GALNTL6: variants seen among roughly 807,000 people sequenced by gnomAD.
The protein encoded by GALNTL6 is polypeptide N-acetylgalactosaminyltransferase-like 6.
GALNTL6 carries 46 observed loss-of-function variants against 73.7 expected under a neutral mutation model. The ratio of observed to expected loss-of-function variants is 0.62; its 90% confidence interval spans 0.49 to 0.80. The LOEUF (loss-of-function observed/expected upper bound fraction) is 0.80. Ranked by LOEUF, GALNTL6 falls within the 30% of genes least tolerant of loss-of-function variation. The pLI is 0.00. For missense variants in GALNTL6, 604 were observed against 755.0 expected, an observed-to-expected ratio of 0.80 and a Z score of 2.34; for synonymous variants, 259 against 263.7, an observed-to-expected ratio of 0.98 and a Z score of 0.17.
intron 5 of GALNTL6, among the ~76,000 whole-genome samples, chr4:172,396,316 C>CTT (rs10715891): frequency 7.3e-6 from 1 of 137,548 alleles, no homozygotes; most frequent in African/African-American, 2.7e-5. Context: ...CTTTTTTTTT[C>CTT]TTTTTTTTTT....
intron 5 of GALNTL6, among the ~76,000 whole-genome samples, chr4:172,725,045 A>G (rs892953432): frequency 3.9e-5 from 6 of 151,924 alleles, no homozygotes; most frequent in African/African-American, 1.5e-4. Context: ...TTTTTCAAGT[A>G]TTTTTCCCCT....
At chr4:172,961,442 T>A (rs1750051876) in intron 10 of GALNTL6, among the ~76,000 whole-genome samples, 1 of 152,130 alleles carries the variant, frequency 6.6e-6, no homozygotes, top group Non-Finnish European at 1.5e-5. Flanking sequence ...AAAGCGGTAC[T>A]TGCTGCTAAG....
chr4:172,345,252 A>G (rs185411573), intron 4 of GALNTL6, among the ~76,000 whole-genome samples: 1 of 152,316 alleles, frequency 6.6e-6, no homozygotes, highest in Admixed American at 6.5e-5. Flanking sequence ...AATATTTGAT[A>G]CATAATCATC....
chr4:172,650,434 C>T (rs1300141320), intron 5 of GALNTL6, among the ~76,000 whole-genome samples: 2 of 152,110 alleles, frequency 1.3e-5, no homozygotes, highest in Non-Finnish European at 2.9e-5. Context: ...ATATAATCTT[C>T]TTCAGAAAAT....
chr4:172,145,355 G>T (rs974916117), intron 2 of GALNTL6, among the ~76,000 whole-genome samples: 8 of 152,128 alleles, frequency 5.3e-5, no homozygotes, highest in South Asian at 4.1e-4. Flanking sequence ...TTAGCCAGAA[G>T]GGTCTCGATC....
intron 7 of GALNTL6, among the ~76,000 whole-genome samples, chr4:172,848,937 G>C (rs1743659524): frequency 6.6e-6 from 1 of 152,116 alleles, no homozygotes; most frequent in South Asian, 2.1e-4. Flanking sequence ...ACACCACAGA[G>C]AGTAGCTGCC....
intron 5 of GALNTL6, among the ~76,000 whole-genome samples, chr4:172,360,173 T>C (rs1199602465): frequency 6.6e-6 from 1 of 152,196 alleles, no homozygotes; most frequent in Non-Finnish European, 1.5e-5. Context: ...TTCAGGGATA[T>C]ATAATTCCAA....
intron 2 of GALNTL6, among the ~76,000 whole-genome samples, chr4:171,990,719 GA>G (rs1219327379): frequency 1.3e-5 from 2 of 152,144 alleles, no homozygotes. Context: ...TAGTTCTTAG[GA>G]GTAAAACTTA....
chr4:172,881,496 C>A (rs1423735045), intron 7 of GALNTL6, among the ~76,000 whole-genome samples: 1 of 152,122 alleles, frequency 6.6e-6, no homozygotes, highest in African/African-American at 2.4e-5. Flanking sequence ...AAATCAAGTA[C>A]CATCTTAGCA....
At chr4:172,444,463 G>A (rs1731947611) in intron 5 of GALNTL6, among the ~76,000 whole-genome samples, 1 of 152,134 alleles carries the variant, frequency 6.6e-6, no homozygotes, top group Non-Finnish European at 1.5e-5. Context: ...ATGACTTTTT[G>A]TAAATTGGTT....
chr4:172,586,555 T>C (rs1047486163), intron 5 of GALNTL6, among the ~76,000 whole-genome samples: 1 of 149,476 alleles, frequency 6.7e-6, no homozygotes, highest in African/African-American at 2.5e-5. Context: ...TCCCGGGCGG[T>C]GGGGAGTGAG....
At chr4:172,606,531 T>C (rs1269873067) in intron 5 of GALNTL6, among the ~76,000 whole-genome samples, 1 of 139,952 alleles carries the variant, frequency 7.1e-6, no homozygotes, top group Non-Finnish European at 1.5e-5. Context: ...GAGCAGAACA[T>C]GGATATAAGA....
At chr4:172,222,018 T>A (rs1421537365) in intron 2 of GALNTL6, among the ~76,000 whole-genome samples, 3 of 151,854 alleles carry the variant, frequency 2.0e-5, no homozygotes, top group Non-Finnish European at 4.4e-5. Context: ...TACTAACAAT[T>A]AATTCTGGCT....
chr4:171,860,291 G>A (rs561340867), intron 2 of GALNTL6, among the ~76,000 whole-genome samples: 3 of 152,184 alleles, frequency 2.0e-5, no homozygotes, highest in African/African-American at 7.2e-5. Context: ...ATTAAAGCTG[G>A]TATTTGAACA....
intron 5 of GALNTL6, among the ~76,000 whole-genome samples, chr4:172,558,209 G>A (rs898776558): frequency 2.0e-5 from 3 of 152,078 alleles, no homozygotes; most frequent in Non-Finnish European, 2.9e-5. Flanking sequence ...CATTTGTGTG[G>A]GCAAGTGTGA....
At chr4:172,374,590 C>T (rs914212506) in intron 5 of GALNTL6, among the ~76,000 whole-genome samples, 1 of 152,136 alleles carries the variant, frequency 6.6e-6, no homozygotes, top group Non-Finnish European at 1.5e-5. Flanking sequence ...TCCTAATTCT[C>T]CTTAGTCCTT....
At chr4:171,900,787 A>T (rs1046951841) in intron 2 of GALNTL6, among the ~76,000 whole-genome samples, 1 of 152,196 alleles carries the variant, frequency 6.6e-6, no homozygotes, top group Admixed American at 6.5e-5. Context: ...TACAAAAAAC[A>T]TAGGAGGTTC....
intron 2 of GALNTL6, among the ~76,000 whole-genome samples, chr4:172,110,063 A>C (rs1732809417): frequency 6.6e-6 from 1 of 152,172 alleles, no homozygotes; most frequent in Non-Finnish European, 1.5e-5. Flanking sequence ...GTAAAACAGA[A>C]TATTCTCTTT....
chr4:172,386,736 G>A (rs1208977463), intron 5 of GALNTL6, among the ~76,000 whole-genome samples: 1 of 152,060 alleles, frequency 6.6e-6, no homozygotes, highest in African/African-American at 2.4e-5. Flanking sequence ...CCACAGACAG[G>A]AGAAGGGTGT....
Sources: gnomAD v4.1 joint callset for allele counts (sites outside exome capture counted in the v4.1 genomes callset) on GRCh38, gnomAD v4.1.1 for gene constraint, MANE v1.5 for transcripts, NCBI Gene and HGNC (gene_info 2026-07-23, HGNC 2026-07-21) for gene names.